Variants in FAM219A observed in about 807,000 individuals in gnomAD.
The protein encoded by FAM219A is protein FAM219A.
FAM219A carries 7 observed loss-of-function variants against 23.4 expected under a neutral mutation model. The ratio of observed to expected loss-of-function variants is 0.30; its 90% CI spans 0.17 to 0.56. The LOEUF (loss-of-function observed/expected upper bound fraction) is 0.56, where lower values mean the gene tolerates loss of function less well. Ranked by LOEUF, FAM219A falls within the 20% of genes least tolerant of loss-of-function variation. The pLI is 0.92. For missense variants in FAM219A, 166 were observed against 246.9 expected (o/e 0.67, Z 2.20); for synonymous variants, 93 against 99.0 (o/e 0.94, Z 0.36).
At chr9:34,439,025 C>T (rs982455267) in intron 1 of FAM219A, among the ~76,000 whole-genome samples, 1 of 151,596 alleles carries the variant, frequency 6.6e-6, no homozygotes, top group Non-Finnish European at 1.5e-5. Flanking sequence ...CCGGGAGGAA[C>T]GAACAACTCC....
intron 1 of FAM219A, among the ~76,000 whole-genome samples, chr9:34,427,378 C>T (rs7038701): frequency 0.083 from 12,607 of 151,918 alleles, 614 homozygotes; most frequent in East Asian, 0.13. Flanking sequence ...ATGGAGTCTA[C>T]GTTGCCCAGG....
At chr9:34,425,021 G>C (rs975281130) in intron 1 of FAM219A, among the ~76,000 whole-genome samples, 9 of 151,952 alleles carry the variant, frequency 5.9e-5, no homozygotes, top group African/African-American at 2.2e-4. Context: ...GCCCAGGCTT[G>C]TCTCAGACTC....
In FAM219A at chr9:34,406,500, CA is replaced by C. The variant is rs574645506; in HGVS notation, c.61-537del. On this transcript the variant is annotated intron_variant, in intron 1 of 5. Coordinates refer to ENST00000651358, the MANE Select transcript of FAM219A (RefSeq NM_001184940.2). Reference sequence around the variant, plus strand: ...AGCCTTCAAGGCTACAGCCACTGGACAAAAAAATAGTTCTAATGAGGACTTC... The same window carrying C: ...AGCCTTCAAGGCTACAGCCACTGGACAAAAAATAGTTCTAATGAGGACTTC... The C allele has an allele frequency of 4.3e-5, 42 of 985,154 alleles. No homozygotes were observed. The African/African-American group carries it at 6.3e-4, about 15-fold the overall frequency. 61.0% of individuals were successfully genotyped at this position (985,154 alleles called of 1,614,324 possible).
intron 1 of FAM219A, among the ~76,000 whole-genome samples, chr9:34,431,010 T>A (rs192494429): frequency 2.6e-5 from 4 of 152,322 alleles, no homozygotes; most frequent in Admixed American, 1.3e-4. Flanking sequence ...TGCTGGTTAA[T>A]GCCTATCTTA....
intron 1 of FAM219A, among the ~76,000 whole-genome samples, chr9:34,445,990 C>T (rs1823355122): frequency 1.3e-5 from 2 of 152,068 alleles, no homozygotes; most frequent in African/African-American, 4.8e-5. Flanking sequence ...GCCTAGCCAA[C>T]ATGGTGAAAC....
intron 1 of FAM219A, among the ~76,000 whole-genome samples, chr9:34,453,012 T>C (rs1346486412): frequency 1.3e-5 from 2 of 152,172 alleles, no homozygotes; most frequent in Admixed American, 6.5e-5. Context: ...TGGTGTTTGT[T>C]TGATGAGGAG....
intron 1 of FAM219A, among the ~76,000 whole-genome samples, chr9:34,449,145 G>C (rs964031207): frequency 6.6e-6 from 1 of 151,996 alleles, no homozygotes; most frequent in Admixed American, 6.6e-5. Context: ...ACCAACCTGG[G>C]CAACATGGCG....
At chr9:34,440,148 T>A (rs1823112892) in intron 1 of FAM219A, among the ~76,000 whole-genome samples, 1 of 152,206 alleles carries the variant, frequency 6.6e-6, no homozygotes, top group Non-Finnish European at 1.5e-5. Context: ...GGTGGTCAGC[T>A]GTCACTGCAG....
chr9:34,405,721 G>A, intron 2 of FAM219A, 144 bp downstream of exon 2: 1 of 727,984 alleles, frequency 1.4e-6, no homozygotes, highest in South Asian at 1.8e-5. Context: ...AGGAGACAAG[G>A]TGCCTCGCAG....
At chr9:34,439,440 A>G (rs530998263) in intron 1 of FAM219A, among the ~76,000 whole-genome samples, 1 of 152,336 alleles carries the variant, frequency 6.6e-6, no homozygotes, top group African/African-American at 2.4e-5. Context: ...GTAAGTAAAA[A>G]TGAATCTGGT....
At chr9:34,402,313 G>A (rs755207760) in intron 4 of FAM219A, 74 bp downstream of exon 4, 7 of 1,614,012 alleles carry the variant, frequency 4.3e-6, no homozygotes, top group South Asian at 1.1e-5. Flanking sequence ...TATAGCAGGT[G>A]TGGCCTGTAC....
chr9:34,444,562 G>A (rs1271788757), intron 1 of FAM219A, among the ~76,000 whole-genome samples: 1 of 152,200 alleles, frequency 6.6e-6, no homozygotes, highest in Non-Finnish European at 1.5e-5. Flanking sequence ...CAATGGGAGA[G>A]GGGCTGGATT....
intron 1 of FAM219A, among the ~76,000 whole-genome samples, chr9:34,454,415 A>C (rs1047076639): frequency 6.6e-6 from 1 of 152,220 alleles, no homozygotes; most frequent in Non-Finnish European, 1.5e-5. Flanking sequence ...CAGCCTGGGC[A>C]ACAGAGCGAG....
chr9:34,419,704 G>A (rs1406163579), intron 1 of FAM219A, among the ~76,000 whole-genome samples: 1 of 152,150 alleles, frequency 6.6e-6, no homozygotes, highest in Non-Finnish European at 1.5e-5. Context: ...TCTCACTTAA[G>A]GCTTTTTAGT....
At chr9:34,449,178 AAAC>A (rs896293087) in intron 1 of FAM219A, among the ~76,000 whole-genome samples, 3 of 152,078 alleles carry the variant, frequency 2.0e-5, no homozygotes, top group Non-Finnish European at 2.9e-5. Context: ...TACCAGAAAA[AAAC>A]AAAAATTAGC....
intron 1 of FAM219A, among the ~76,000 whole-genome samples, chr9:34,437,322 T>A (rs1822959186): frequency 6.6e-6 from 1 of 152,278 alleles, no homozygotes; most frequent in African/African-American, 2.4e-5. Context: ...CTACAAAGGA[T>A]CCATGGAAAC....
In FAM219A at chr9:34,402,685, G is replaced by C. The variant is rs1235593153; in HGVS notation, c.263+20C>G. 4 of 1,611,858 alleles carry C rather than the reference G, an allele frequency of 2.5e-6. No homozygotes were observed. Among genetic ancestry groups the C allele is most frequent in the South Asian group, 1.1e-5 (1 of 90,976 alleles). ...AGGTCCTGGCTGGCAGGGTCCAGGT[G>C]GGGTAGGGAGGGCCTCTACCTTGTT... On this transcript the variant is annotated intron_variant, in intron 3 of 5. Coordinates refer to ENST00000651358, the MANE Select transcript of FAM219A (RefSeq NM_001184940.2).
intron 5 of FAM219A, 151 bp downstream of exon 5, chr9:34,401,515 C>T (rs1588027773): frequency 2.4e-6 from 2 of 841,878 alleles, no homozygotes; most frequent in African/African-American, 3.4e-5. Context: ...CACTTCTCTT[C>T]CATCCTATCC....
intron 1 of FAM219A, among the ~76,000 whole-genome samples, chr9:34,420,850 T>G (rs981783089): frequency 6.6e-6 from 1 of 151,924 alleles, no homozygotes; most frequent in Admixed American, 6.6e-5. Context: ...TGTGGTAGCA[T>G]GTGCTTGTGG....
Sources: gnomAD v4.1 joint callset for allele counts (sites outside exome capture counted in the v4.1 genomes callset) on GRCh38, gnomAD v4.1.1 for gene constraint, MANE v1.5 for transcripts, NCBI Gene and HGNC (gene_info 2026-07-23, HGNC 2026-07-21) for gene names.